CDH18: variants seen among roughly 807,000 people sequenced by gnomAD.
The protein encoded by CDH18 is cadherin 18, also known as cadherin-18.
In CDH18, 31 loss-of-function variants were observed where a neutral mutation model predicts 67.9. That is an observed-to-expected ratio of 0.46 (90% CI 0.34 to 0.62). The LOEUF is 0.62. Among genes scored for constraint, CDH18 ranks in the 20% least tolerant of loss-of-function variants. The probability of loss-of-function intolerance (pLI) is 0.01; values close to 1 mark genes in which losing one functional copy is unlikely to be tolerated. For synonymous variants in CDH18, 362 were observed against 347.2 expected, an observed-to-expected ratio of 1.04 and a Z score of -0.48; for missense variants, 890 against 975.5, an observed-to-expected ratio of 0.91 and a Z score of 1.17.
At chr5:19,522,600 A>C (rs994331848) in intron 9 of CDH18, among the ~76,000 whole-genome samples, 7 of 152,126 alleles carry the variant, frequency 4.6e-5, no homozygotes, top group Non-Finnish European at 1.0e-4. Flanking sequence ...AAGAGGAATA[A>C]AGCAGAATTG....
intron 2 of CDH18, among the ~76,000 whole-genome samples, chr5:19,879,642 T>C (rs888087400): frequency 1.3e-5 from 2 of 152,028 alleles, no homozygotes; most frequent in African/African-American, 4.8e-5. Context: ...CAGCAAGCAT[T>C]TGGTAAGTTT....
At chr5:20,296,230 GT>G (rs1014845529) in intron 1 of CDH18, among the ~76,000 whole-genome samples, 2 of 145,430 alleles carry the variant, frequency 1.4e-5, no homozygotes, top group Admixed American at 6.9e-5. Context: ...TTCCACTAAG[GT>G]TTTTTTTTGT....
intron 4 of CDH18, among the ~76,000 whole-genome samples, chr5:19,746,365 C>T (rs1769997107): frequency 6.6e-6 from 1 of 152,088 alleles, no homozygotes; most frequent in African/African-American, 2.4e-5. Context: ...ATACTTTATG[C>T]CAGTTTGCAC....
intron 2 of CDH18, among the ~76,000 whole-genome samples, chr5:20,147,249 G>T (rs1561829464): frequency 6.6e-6 from 1 of 151,924 alleles, no homozygotes; most frequent in Non-Finnish European, 1.5e-5. Context: ...TTAGGGATTT[G>T]GTATTACAAG....
intron 2 of CDH18, among the ~76,000 whole-genome samples, chr5:19,920,262 C>T (rs1354656458): frequency 6.6e-6 from 1 of 152,000 alleles, no homozygotes; most frequent in African/African-American, 2.4e-5. Flanking sequence ...ATAAGTAAAC[C>T]AATCACTTAA....
At position 19,483,425 on chromosome 5, in the gene CDH18, G is replaced by T. The variant is rs774977732; in HGVS notation, c.1758C>A (p.Ile586=). The change falls in exon 12 of 13, where the codon ATC becomes ATA. Residue 586 remains isoleucine (I), a synonymous_variant. Coordinates refer to ENST00000382275, the MANE Select transcript of CDH18 (RefSeq NM_004934.5). ...PSLSSSSTLT[I]RVCACERDGR... ...CATCTCTCTCGCATGCACAAACCCTGATGGTGAGGGTGCTGCTGCTGCTGA... is the reference window on the plus strand; with the variant it reads ...CATCTCTCTCGCATGCACAAACCCTTATGGTGAGGGTGCTGCTGCTGCTGA... 6.2e-7 allele frequency: 1 copy of T among 1,613,982 alleles called. No individual in the cohort carries two copies. Among genetic ancestry groups the T allele is most frequent in the Non-Finnish European group, 8.5e-7 (1 of 1,179,994 alleles).
At chr5:20,525,216 T>C (rs536578884) in intron 1 of CDH18, among the ~76,000 whole-genome samples, 1 of 152,274 alleles carries the variant, frequency 6.6e-6, no homozygotes, top group Non-Finnish European at 1.5e-5. Flanking sequence ...GGGGGACTGC[T>C]GGACAGATTC....
chr5:20,194,041 C>T (rs1738760171), intron 2 of CDH18, among the ~76,000 whole-genome samples: 2 of 152,022 alleles, frequency 1.3e-5, no homozygotes, highest in African/African-American at 4.8e-5. Flanking sequence ...AACAATTGTA[C>T]AAGACAAGGA....
At chr5:20,061,593 G>A (rs943802335) in intron 2 of CDH18, among the ~76,000 whole-genome samples, 3 of 152,088 alleles carry the variant, frequency 2.0e-5, no homozygotes, top group African/African-American at 7.2e-5. Context: ...CACTTTATTA[G>A]TGGCAATAGT....
chr5:19,954,907 T>C (rs1358298283), intron 2 of CDH18, among the ~76,000 whole-genome samples: 2 of 151,440 alleles, frequency 1.3e-5, no homozygotes, highest in Non-Finnish European at 2.9e-5. Flanking sequence ...TGGAGTGAAG[T>C]TTAGGAGATA....
rs1420607388 is a variant in CDH18 at position 19,623,163 on chromosome 5, A to G, written c.644-10562T>C. ...AATATTTCAGCTATGGTCCATTGTA[A>G]GCATATTTCATGAGTTCAGGTATAT... On this transcript the variant is annotated intron_variant, in intron 5 of 12. Coordinates refer to ENST00000382275, the MANE Select transcript of CDH18 (RefSeq NM_004934.5). Among the ~76,000 whole-genome samples the G allele has an allele frequency of 2.0e-5, 3 of 152,222 alleles. No homozygotes were observed. In the East Asian group the frequency reaches 5.8e-4, roughly 29 times the overall value.
At chr5:19,683,372 T>G (rs1393721372) in intron 5 of CDH18, among the ~76,000 whole-genome samples, 1 of 152,102 alleles carries the variant, frequency 6.6e-6, no homozygotes, top group Non-Finnish European at 1.5e-5. Context: ...CCATATGGCC[T>G]CTTCTGCAGC....
chr5:19,834,754 T>C (rs946979231), intron 3 of CDH18, among the ~76,000 whole-genome samples: 1 of 152,186 alleles, frequency 6.6e-6, no homozygotes, highest in Non-Finnish European at 1.5e-5. Context: ...AAATAACTTC[T>C]TGATTTCTGC....
chr5:20,432,942 A>G (rs1331203827), intron 1 of CDH18, among the ~76,000 whole-genome samples: 6 of 148,840 alleles, frequency 4.0e-5, no homozygotes, highest in Non-Finnish European at 8.9e-5. Flanking sequence ...TATATATTTT[A>G]TACATATATA....
chr5:20,324,740 A>G (rs181870884), intron 1 of CDH18, among the ~76,000 whole-genome samples: 25 of 152,332 alleles, frequency 1.6e-4, no homozygotes, highest in Admixed American at 7.8e-4. Flanking sequence ...AAAGACATAC[A>G]AATTCTACCT....
chr5:19,576,186 G>A (rs781423639), intron 7 of CDH18, among the ~76,000 whole-genome samples: 7 of 152,022 alleles, frequency 4.6e-5, no homozygotes, highest in Middle Eastern at 3.2e-3. Flanking sequence ...CATTGTTCTA[G>A]GCTGAGATTA....
At chr5:20,555,421 T>C (rs971296902) in intron 1 of CDH18, among the ~76,000 whole-genome samples, 14 of 11,362 alleles carry the variant, frequency 1.2e-3, no homozygotes, top group African/African-American at 1.5e-4. Flanking sequence ...TTTTTTTTTT[T>C]TTTTTTTTTT....
chr5:19,937,865 C>T (rs1447076726), intron 2 of CDH18, among the ~76,000 whole-genome samples: 1 of 150,228 alleles, frequency 6.7e-6, no homozygotes, highest in Non-Finnish European at 1.5e-5. Context: ...TTATTGGTGG[C>T]TTGTAACATT....
At chr5:20,120,634 A>G (rs555707451) in intron 2 of CDH18, among the ~76,000 whole-genome samples, 100 of 152,300 alleles carry the variant, frequency 6.6e-4, no homozygotes, top group Non-Finnish European at 1.1e-3. Flanking sequence ...TAAATGACCA[A>G]TGCAATACAC....
Sources: allele counts gnomAD v4.1 joint callset (sites outside exome capture counted in the v4.1 genomes callset), GRCh38; gene constraint gnomAD v4.1.1; transcripts MANE v1.5; gene names NCBI Gene and HGNC (gene_info 2026-07-23, HGNC 2026-07-21).